Variants in CACNA2D3 observed in about 807,000 individuals in gnomAD.
The protein encoded by CACNA2D3 is voltage-dependent calcium channel subunit alpha-2/delta-3.
A neutral mutation model predicts 160.6 loss-of-function variants in CACNA2D3; 60 were observed. The observed-to-expected ratio is 0.37, with a 90% CI of 0.30 to 0.46. CACNA2D3 has a LOEUF of 0.46. CACNA2D3 is among the 20% of genes least tolerant of loss of function. The pLI is 1.00. For synonymous variants in CACNA2D3, 558 were observed against 492.9 expected (o/e 1.13, Z -1.75); for missense variants, 1,205 against 1,365.0 (o/e 0.88, Z 1.85).
chr3:55,040,436 A>G (rs1230442766), intron 35 of CACNA2D3, among the ~76,000 whole-genome samples: 1 of 152,222 alleles, frequency 6.6e-6, no homozygotes, highest in African/African-American at 2.4e-5. Flanking sequence ...TAAAAGTAGA[A>G]TGACTCAGTA....
chr3:54,216,996 A>C (rs1403375663), intron 2 of CACNA2D3, among the ~76,000 whole-genome samples: 1 of 152,110 alleles, frequency 6.6e-6, no homozygotes, highest in Non-Finnish European at 1.5e-5. Context: ...GAGAAGGTAA[A>C]CTGAGGCAGC....
At chr3:54,235,795 T>G (rs1358494449) in intron 2 of CACNA2D3, among the ~76,000 whole-genome samples, 1 of 152,122 alleles carries the variant, frequency 6.6e-6, no homozygotes, top group Non-Finnish European at 1.5e-5. Flanking sequence ...TGCAAATAAT[T>G]TAAGTAGCTG....
chr3:54,823,253 C>G (rs1484409044), intron 14 of CACNA2D3, among the ~76,000 whole-genome samples: 1 of 152,026 alleles, frequency 6.6e-6, no homozygotes, highest in Non-Finnish European at 1.5e-5. Context: ...TCAGGGTTTA[C>G]TCCATTTTCA....
chr3:54,190,039 A>G (rs796081975), intron 2 of CACNA2D3, among the ~76,000 whole-genome samples: 31 of 152,328 alleles, frequency 2.0e-4, no homozygotes, highest in African/African-American at 7.2e-4. Context: ...GTCCGAGATC[A>G]AGGGAGGGCC....
intron 13 of CACNA2D3, among the ~76,000 whole-genome samples, chr3:54,787,339 G>C (rs1702661072): frequency 6.6e-6 from 1 of 152,106 alleles, no homozygotes; most frequent in East Asian, 1.9e-4. Flanking sequence ...TCACCGTTAG[G>C]ATTTTTTAAA....
intron 6 of CACNA2D3, among the ~76,000 whole-genome samples, chr3:54,566,605 T>A (rs1382839374): frequency 6.6e-6 from 1 of 152,190 alleles, no homozygotes; most frequent in East Asian, 1.9e-4. Context: ...TGTCTATACA[T>A]CACAGACAGG....
At chr3:54,324,747 G>A (rs150065678) in intron 3 of CACNA2D3, among the ~76,000 whole-genome samples, 1 of 152,176 alleles carries the variant, frequency 6.6e-6, no homozygotes, top group Non-Finnish European at 1.5e-5. Flanking sequence ...AAGTCCCTAC[G>A]AATGGACAAG....
chr3:54,908,071 C>T lies in CACNA2D3; in HGVS notation c.2449+8203C>T, dbSNP rs1254215774. On this transcript the variant is annotated intron_variant, in intron 27 of 37. Transcript: ENST00000474759. ...GTTTTTATAGTCTCTTGGGTACATA[C>T]CTAAAAGTAGAATTGTTGGGTCATA... 5.3e-5 allele frequency among the ~76,000 whole-genome samples: 8 copies of T among 152,256 alleles called. No individual in the cohort carries two copies. In the East Asian group the frequency reaches 1.5e-3, roughly 29 times the overall value.
intron 11 of CACNA2D3, among the ~76,000 whole-genome samples, chr3:54,686,049 C>G (rs543494424): frequency 5.8e-4 from 89 of 152,320 alleles, no homozygotes; most frequent in Middle Eastern, 6.8e-3. Flanking sequence ...TGAATTGTCT[C>G]GATTCTCATA....
At chr3:54,863,238 G>A (rs943632033) in intron 17 of CACNA2D3, among the ~76,000 whole-genome samples, 1 of 152,144 alleles carries the variant, frequency 6.6e-6, no homozygotes, top group Admixed American at 6.5e-5. Flanking sequence ...CTTTAGAGAC[G>A]GTTTTGTTTG....
At chr3:54,737,221 T>TGG (rs755200489) in intron 11 of CACNA2D3, among the ~76,000 whole-genome samples, 1 of 129,184 alleles carries the variant, frequency 7.7e-6, no homozygotes. Flanking sequence ...TGTGTGTGTG[T>TGG]AGGGAACAGA....
chr3:54,570,957 G>A (rs900569808), intron 8 of CACNA2D3, among the ~76,000 whole-genome samples: 2 of 152,106 alleles, frequency 1.3e-5, no homozygotes, highest in Non-Finnish European at 2.9e-5. Flanking sequence ...AAGAACATGC[G>A]CCCAAGGTAG....
At chr3:54,212,329 G>GACAACTTGAAGTGGTGGC (rs1466868119) in intron 2 of CACNA2D3, among the ~76,000 whole-genome samples, 1 of 152,132 alleles carries the variant, frequency 6.6e-6, no homozygotes, top group Non-Finnish European at 1.5e-5. Context: ...GAAGTGGTGG[G>GACAACTTGAAGTGGTGGC]ACAACTTGAA....
At chr3:54,144,303 T>G (rs933621745) in intron 2 of CACNA2D3, among the ~76,000 whole-genome samples, 1 of 152,218 alleles carries the variant, frequency 6.6e-6, no homozygotes, top group African/African-American at 2.4e-5. Flanking sequence ...TGAAGGTTGT[T>G]GCCCAGGTTT....
At chr3:54,652,899 C>T (rs1459273916) in intron 11 of CACNA2D3, among the ~76,000 whole-genome samples, 1 of 150,750 alleles carries the variant, frequency 6.6e-6, no homozygotes, top group Non-Finnish European at 1.5e-5. Flanking sequence ...TCTCCTGTCT[C>T]AGCCTCCCAA....
intron 2 of CACNA2D3, among the ~76,000 whole-genome samples, chr3:54,171,578 C>T (rs939800432): frequency 2.0e-5 from 3 of 152,166 alleles, no homozygotes; most frequent in African/African-American, 7.2e-5. Flanking sequence ...TGTCTCTTGA[C>T]ACTGAGAAGC....
chr3:54,424,394 C>T (rs1034124103), intron 4 of CACNA2D3, among the ~76,000 whole-genome samples: 5 of 152,148 alleles, frequency 3.3e-5, no homozygotes, highest in South Asian at 2.1e-4. Flanking sequence ...AATGGACTTT[C>T]GTGTTTTTCA....
intron 5 of CACNA2D3, among the ~76,000 whole-genome samples, chr3:54,518,852 A>G (rs1296576214): frequency 6.6e-6 from 1 of 152,340 alleles, no homozygotes; most frequent in East Asian, 1.9e-4. Flanking sequence ...AGGAAAAGCC[A>G]TCTTCAGCCT....
intron 13 of CACNA2D3, among the ~76,000 whole-genome samples, chr3:54,788,106 T>G (rs557890746): frequency 6.6e-6 from 1 of 152,338 alleles, no homozygotes; most frequent in Admixed American, 6.5e-5. Flanking sequence ...ATTTCCTTAT[T>G]AATTAGCATC....
Sources: gnomAD v4.1 joint callset for allele counts (sites outside exome capture counted in the v4.1 genomes callset) on GRCh38, gnomAD v4.1.1 for gene constraint, MANE v1.5 for transcripts, NCBI Gene and HGNC (gene_info 2026-07-23, HGNC 2026-07-21) for gene names.